GPI: variants seen among roughly 807,000 people sequenced by gnomAD.
The protein encoded by GPI is D-hexose-6-phosphate anomerase.
GPI carries 56 observed loss-of-function variants against 75.8 expected under a neutral mutation model. The observed-to-expected ratio is 0.74, with a 90% CI of 0.60 to 0.92. The LOEUF is 0.92. Ranked by LOEUF, GPI falls within the 40% of genes least tolerant of loss-of-function variation. GPI has a pLI of 0.00. For synonymous variants in GPI, 288 were observed against 285.4 expected (o/e 1.01, Z -0.09); for missense variants, 638 against 741.0 (o/e 0.86, Z 1.61).
In GPI at chr19:34,400,520, A is replaced by G. The variant is rs997177506; in HGVS notation, c.*484A>G. The G allele has an allele frequency of 1.9e-5, 9 of 476,680 alleles. No individual in the cohort carries two copies. Among genetic ancestry groups the G allele is most frequent in the African/African-American group, 1.6e-4 (8 of 51,122 alleles). The allele number at this position is 476,680 out of a possible 1,614,324, so 29.5% of individuals were successfully genotyped here. A position where few individuals can be genotyped will look rare whatever the true frequency, so the allele number is the denominator to read the frequency against. On this transcript the variant is annotated 3_prime_UTR_variant, in exon 18 of 18. Transcript: ENST00000356487. ...GGGGGCACAATCAGTCAGGACGGCA[A>G]CTTGGCCTGTGTCACCAAATCCCAA...
At chr19:34,360,885 C>T (rs890541499), upstream of GPI, among the ~76,000 whole-genome samples, 12 of 151,712 alleles carry the variant, frequency 7.9e-5, no homozygotes, top group African/African-American at 2.9e-4. Context: ...TCAAGTGATT[C>T]TCCTGCCTCA....
intron 6 of GPI, 70 bp downstream of exon 6, chr19:34,377,951 C>A: frequency 1.3e-6 from 2 of 1,531,778 alleles, no homozygotes; most frequent in Non-Finnish European, 1.8e-6. Context: ...AGCTGTCTTG[C>A]CATCCCCCTG....
In GPI at chr19:34,393,873, G is replaced by A. The variant is rs375481272; in HGVS notation, c.910-41G>A. ...CCACTGTCCTGTCCCTCCCCTCCCC[G>A]TGCAGCTGCTCAGCTCCCACTCATC... On this transcript the variant is annotated intron_variant, in intron 11 of 17. Coordinates refer to ENST00000356487, the MANE Select transcript of GPI (RefSeq NM_000175.5). The surrounding 1 kb of genome is among the most constrained non-coding windows in gnomAD (Gnocchi z 4.4). 39 of 1,610,652 alleles carry A rather than the reference G, an allele frequency of 2.4e-5. No homozygotes were observed. Among genetic ancestry groups the A allele is most frequent in the Middle Eastern group, 1.6e-4 (1 of 6,080 alleles).
upstream of GPI, among the ~76,000 whole-genome samples, chr19:34,361,393 C>T (rs904604735): frequency 6.6e-6 from 1 of 152,002 alleles, no homozygotes. Flanking sequence ...TGCCCGGCCT[C>T]ATTTCACATT....
chr19:34,381,234 C>T, intron 8 of GPI: 1 of 599,932 alleles, frequency 1.7e-6, no homozygotes, highest in South Asian at 1.9e-5. Context: ...GCTTTGCAGG[C>T]ACAACGTCAC....
intron 4 of GPI, among the ~76,000 whole-genome samples, chr19:34,369,622 G>A (rs925222934): frequency 7.9e-5 from 12 of 151,670 alleles, no homozygotes; most frequent in South Asian, 2.1e-4. Flanking sequence ...CAGGAGAATC[G>A]CTTGAACCCG....
At chr19:34,362,866 T>A (rs768483195), upstream of GPI, among the ~76,000 whole-genome samples, 1 of 152,232 alleles carries the variant, frequency 6.6e-6, no homozygotes, top group Non-Finnish European at 1.5e-5. Context: ...CCTGTTTAGC[T>A]GGCATAAGTT....
At chr19:34,366,123 T>C (rs754610871) in intron 1 of GPI, 1 of 695,788 alleles carries the variant, frequency 1.4e-6, no homozygotes, top group East Asian at 2.7e-5. Context: ...AGGGTCTGCC[T>C]GCATCTACGG....
At chr19:34,375,247 A>G (rs1480713024) in intron 4 of GPI, among the ~76,000 whole-genome samples, 1 of 151,624 alleles carries the variant, frequency 6.6e-6, no homozygotes, top group African/African-American at 2.4e-5. Flanking sequence ...GATTTAAGCA[A>G]TTCTCCTGCC....
At position 34,381,504 on chromosome 19, in the gene GPI, G is replaced by A. The variant is rs2074652536; in HGVS notation, c.789G>A (p.Met263Ile). 2.5e-6 allele frequency: 4 copies of A among 1,606,076 alleles called. No homozygotes were observed. The East Asian group carries it at 8.9e-5, about 36-fold the overall frequency. The change falls in exon 9 of 18, where the codon ATG becomes ATA. Residue 263 changes from methionine (M) to isoleucine (I), a missense_variant. Transcript: ENST00000356487. Reference sequence around the variant, plus strand: ...AGTTTGGAATTGACCCTCAAAACATGTTCGAGTTCTGGGATGTAAGTACAA... The same window carrying A: ...AGTTTGGAATTGACCCTCAAAACATATTCGAGTTCTGGGATGTAAGTACAA... Reference protein sequence around the residue: ...VKEFGIDPQNMFEFWDWVGGR... With the variant: ...VKEFGIDPQNIFEFWDWVGGR...
At position 34,379,024 on chromosome 19, in the gene GPI, C is replaced by T; in HGVS notation, c.705+19C>T. 6.2e-7 allele frequency: 1 copy of T among 1,606,444 alleles called. No individual in the cohort carries two copies. Among genetic ancestry groups the T allele is most frequent in the Non-Finnish European group, 8.5e-7 (1 of 1,172,934 alleles). On this transcript the variant is annotated intron_variant, in intron 7 of 17. Coordinates refer to ENST00000356487, the MANE Select transcript of GPI (RefSeq NM_000175.5). The stretch of plus-strand genomic sequence containing the variant: ...CAAGGATGTGAGTGGGCTATAGGGC[C>T]TTCCTCGTGGTTAGCCTCTGGGCTG...
rs769407863 is a variant in GPI at position 34,366,330 on chromosome 19, T to TC, written c.123-13dup. ...AGACCAGGGTGTGGTCAGCAGCATC[T>TC]CCATCTTTCTGCAGCTTGACCCTCA... On this transcript the variant is annotated splice_polypyrimidine_tract_variant and intron_variant, in intron 1 of 17. Coordinates refer to ENST00000356487, the MANE Select transcript of GPI (RefSeq NM_000175.5). 4.5e-6 allele frequency: 7 copies of TC among 1,548,780 alleles called. No homozygotes were observed. In the East Asian group the frequency reaches 1.6e-4, roughly 35 times the overall value.
At chr19:34,365,652 C>G (rs1319383695) in intron 1 of GPI, 1 of 635,374 alleles carries the variant, frequency 1.6e-6, no homozygotes, top group East Asian at 3.3e-5. Context: ...GGGGACATTT[C>G]CCCTCCTCCT....
At position 34,366,808 on chromosome 19, in the gene GPI, C is replaced by T; in HGVS notation, c.239C>T (p.Ala80Val). 6.2e-7 allele frequency: 1 copy of T among 1,613,538 alleles called. No individual in the cohort carries two copies. Among genetic ancestry groups the T allele is most frequent in the Non-Finnish European group, 8.5e-7 (1 of 1,179,874 alleles). The change falls in exon 3 of 18, where the codon GCC (alanine) becomes GTC (valine). Residue 80 changes from alanine to valine, a missense_variant. Transcript: ENST00000356487. ...GCCAAGTCCAGGGGCGTGGAGGCCGCCCGGGAGCGGATGTTCAATGGTGAG... is the reference window on the plus strand; with the variant it reads ...GCCAAGTCCAGGGGCGTGGAGGCCGTCCGGGAGCGGATGTTCAATGGTGAG... ...DLAKSRGVEA[A>V]RERMFNGEKI...
intron 4 of GPI, among the ~76,000 whole-genome samples, chr19:34,373,158 G>A (rs1599814945): frequency 6.6e-6 from 1 of 151,826 alleles, no homozygotes; most frequent in Non-Finnish European, 1.5e-5. Context: ...AGGCCGAGGT[G>A]GGCGGATCAC....
At chr19:34,391,381 A>G (rs551826466) in intron 9 of GPI, among the ~76,000 whole-genome samples, 86 of 2,362 alleles carry the variant, frequency 0.036, no homozygotes, top group African/African-American at 0.089. Context: ...GGGTCTGTCA[A>G]TATCAGAGGA....
At chr19:34,379,087 C>T (rs2074599788) in intron 7 of GPI, 82 bp downstream of exon 7, 2 of 1,177,862 alleles carry the variant, frequency 1.7e-6, no homozygotes, top group African/African-American at 1.5e-5. Flanking sequence ...CCAAGTCTGG[C>T]CGTGTTTCTC....
At chr19:34,368,925 G>T in intron 4 of GPI, 1 of 617,988 alleles carries the variant, frequency 1.6e-6, no homozygotes, top group Non-Finnish European at 2.9e-6. Flanking sequence ...TGGCAGAAGT[G>T]GGGCCAGTTT....
intron 15 of GPI, 90 bp downstream of exon 15, chr19:34,399,425 C>T: frequency 5.1e-6 from 8 of 1,577,540 alleles, no homozygotes; most frequent in African/African-American, 1.3e-5. Context: ...GCGTGCCTGG[C>T]TTGTCCTACA....
Sources: gnomAD v4.1 joint callset for allele counts (sites outside exome capture counted in the v4.1 genomes callset) on GRCh38, gnomAD v4.1.1 for gene constraint, Gnocchi (gnomAD v3.1) non-coding constraint, MANE v1.5 for transcripts, NCBI Gene and HGNC (gene_info 2026-07-23, HGNC 2026-07-21) for gene names.